Variants in PFKFB4 observed in about 807,000 individuals in gnomAD.
PFKFB4 encodes 6-phosphofructo-2-kinase/fructose-2,6-bisphosphatase 4.
A neutral mutation model predicts 62.8 loss-of-function variants in PFKFB4; 42 were observed. The ratio of observed to expected loss-of-function variants is 0.67; its 90% CI spans 0.52 to 0.86. PFKFB4 has a LOEUF of 0.86. Ranked by LOEUF, PFKFB4 falls within the 40% of genes least tolerant of loss-of-function variation. PFKFB4 has a pLI of 0.00. For synonymous variants in PFKFB4, 204 were observed against 240.7 expected, an observed-to-expected ratio of 0.85 and a Z score of 1.41; for missense variants, 475 against 627.2, an observed-to-expected ratio of 0.76 and a Z score of 2.59.
At chr3:48,523,405 A>G in intron 12 of PFKFB4, 132 bp downstream of exon 12, 1 of 856,510 alleles carries the variant, frequency 1.2e-6, no homozygotes. Context: ...GCAAATTGGG[A>G]AAGGTGGTGG....
At chr3:48,529,828 C>T (rs1262311025) in intron 9 of PFKFB4, among the ~76,000 whole-genome samples, 1 of 151,774 alleles carries the variant, frequency 6.6e-6, no homozygotes, top group African/African-American at 2.4e-5. Flanking sequence ...GTGTTGCACA[C>T]CTGTGGTCCC....
Position 48,518,029 on chromosome 3 carries a change from A to C in PFKFB4, c.*1718T>G, listed in dbSNP as rs569948728. 1 of 152,322 alleles carries C rather than the reference A, an allele frequency of 6.6e-6. No individual in the cohort carries two copies. Among genetic ancestry groups the C allele is most frequent in the Non-Finnish European group, 1.5e-5 (1 of 68,086 alleles). 9.4% of individuals were successfully genotyped at this position (152,322 alleles called of 1,614,324 possible). A position where few individuals can be genotyped will look rare whatever the true frequency, so the allele number is the denominator to read the frequency against. On this transcript the variant is annotated 3_prime_UTR_variant, in exon 14 of 14. Transcript: ENST00000232375. ...CACCTCAGATGACATCCAGAGGTAC[A>C]TGCACTGTTGCTGACCAAGGGAACC...
chr3:48,556,093 G>A lies in PFKFB4; in HGVS notation c.97+588C>T, dbSNP rs993213648. On this transcript the variant is annotated intron_variant, in intron 1 of 13. Coordinates refer to ENST00000232375, the MANE Select transcript of PFKFB4 (RefSeq NM_004567.4). This position sits in a 1 kb window ranked among gnomAD's most constrained non-coding sequence, Gnocchi z 5.7. Reference sequence around the variant, plus strand: ...CCCCAGGTGGATACTTACATGTCCCGGGACACAGACACAGGCCCACACGGC... The same window carrying A: ...CCCCAGGTGGATACTTACATGTCCCAGGACACAGACACAGGCCCACACGGC... 1.1e-5 allele frequency: 5 copies of A among 456,602 alleles called. No individual in the cohort carries two copies. The highest frequency in any genetic ancestry group is 2.3e-5 in the Admixed American group (1 of 42,562). The allele number at this position is 456,602 out of a possible 1,614,324, so 28.3% of individuals were successfully genotyped here.
In PFKFB4 at chr3:48,522,034, G is replaced by A. The variant is rs1467230494; in HGVS notation, c.1302C>T (p.Ser434=). The change falls in exon 13 of 14, where the codon TCC becomes TCT. Residue 434 remains serine (S), a synonymous_variant. Transcript: ENST00000232375. ...TCACAGCAGCCACGTTCAGGAATAT[G>A]GACTCCACTTTACAACCTGCCAAAG... The part of the protein sequence containing the change: ...TPVAYGCKVE[S]IFLNVAAVNT... 2 of 1,614,146 alleles carry A rather than the reference G, an allele frequency of 1.2e-6. No individual in the cohort carries two copies. The highest frequency in any genetic ancestry group is 2.2e-5 in the East Asian group (1 of 44,880).
chr3:48,536,497 G>C (rs909669685), intron 7 of PFKFB4, 34 bp from the exon 8 acceptor site: 1 of 1,552,050 alleles, frequency 6.4e-7, no homozygotes, highest in Non-Finnish European at 8.9e-7. Flanking sequence ...AGGCCTGTGA[G>C]CGTGGCCAGG....
In PFKFB4 at chr3:48,538,530, G is replaced by A. The variant is rs778672950; in HGVS notation, c.600C>T (p.Asn200=). Residue 200 remains asparagine (N), a synonymous_variant, in exon 7 of 14, where the codon AAC becomes AAT. Transcript: ENST00000232375. The part of the protein sequence containing the change: ...DFMRRIECYE[N]SYESLDEDLD... ...GGTCCTCATCTAGCGACTCGTAGGA[G>A]TTCTCATAGCACTCAATGCGCCTCA... The A allele has an allele frequency of 1.2e-6, 2 of 1,614,040 alleles. No individual in the cohort carries two copies. Among genetic ancestry groups the A allele is most frequent in the African/African-American group, 1.3e-5 (1 of 74,920 alleles).
intron 10 of PFKFB4, among the ~76,000 whole-genome samples, chr3:48,524,079 A>AG (rs563650447): frequency 3.9e-5 from 6 of 152,118 alleles, no homozygotes; most frequent in Non-Finnish European, 8.8e-5. Flanking sequence ...GCTCCATCCC[A>AG]GGGTCCACCT....
chr3:48,545,714 G>A (rs942970334), intron 3 of PFKFB4, among the ~76,000 whole-genome samples: 6 of 151,162 alleles, frequency 4.0e-5, no homozygotes, highest in Non-Finnish European at 5.9e-5. Flanking sequence ...TGATCCTCCC[G>A]CCACAGCCTC....
chr3:48,531,205 A>T (rs534123450), intron 9 of PFKFB4, among the ~76,000 whole-genome samples: 43 of 151,738 alleles, frequency 2.8e-4, no homozygotes, highest in African/African-American at 9.7e-4. Context: ...ATCTCTAAAA[A>T]TTTTTTAAAT....
At chr3:48,557,093 T>G, upstream of PFKFB4, 1 of 668,440 alleles carries the variant, frequency 1.5e-6, no homozygotes, top group Non-Finnish European at 2.1e-6. Context: ...GCCCGGATTG[T>G]GCAGGCCCGC....
At chr3:48,555,734 A>G (rs893261641) in intron 1 of PFKFB4, among the ~76,000 whole-genome samples, 5 of 151,836 alleles carry the variant, frequency 3.3e-5, no homozygotes, top group Admixed American at 6.6e-5. Flanking sequence ...TGTCTCTACA[A>G]AAAAAAAGAA....
rs1560184182 is a variant in PFKFB4 at position 48,556,636 on chromosome 3, C to T, written c.97+45G>A. 6.3e-7 allele frequency: 1 copy of T among 1,587,210 alleles called. No homozygotes were observed. Among genetic ancestry groups the T allele is most frequent in the South Asian group, 1.1e-5 (1 of 89,212 alleles). ...CCCCGCCCAGGCCGCCCTACCCACC[C>T]ATCCCGGTGCACCTCCCACCTCCTC... On this transcript the variant is annotated intron_variant, in intron 1 of 13. Coordinates refer to ENST00000232375, the MANE Select transcript of PFKFB4 (RefSeq NM_004567.4). This position sits in a 1 kb window ranked among gnomAD's most constrained non-coding sequence, Gnocchi z 5.7.
intron 7 of PFKFB4, chr3:48,536,766 G>T (rs991456057): frequency 2.6e-6 from 1 of 380,824 alleles, no homozygotes; most frequent in Non-Finnish European, 4.9e-6. Context: ...TTTCTCCGCT[G>T]CTCATGTGTC....
chr3:48,528,660 T>TCAAA (rs537395906), intron 9 of PFKFB4, among the ~76,000 whole-genome samples: 1 of 152,128 alleles, frequency 6.6e-6, no homozygotes. Flanking sequence ...AGACCCTGTC[T>TCAAA]CAAACAAACA....
Position 48,519,690 on chromosome 3 carries a change from A to G in PFKFB4, c.*57T>C. On this transcript the variant is annotated 3_prime_UTR_variant, in exon 14 of 14. Transcript: ENST00000232375. Reference sequence around the variant, plus strand: ...CTATCACACACACTGGAGGGCCTGGAATGACCCCCTCTGCAGAGAGCAGTG... The same window carrying G: ...CTATCACACACACTGGAGGGCCTGGGATGACCCCCTCTGCAGAGAGCAGTG... 7.7e-7 allele frequency: 1 copy of G among 1,291,088 alleles called. No homozygotes were observed. The highest frequency in any genetic ancestry group is 1.1e-6 in the Non-Finnish European group (1 of 888,048). The allele number at this position is 1,291,088 out of a possible 1,614,324, so 80.0% of individuals were successfully genotyped here. A position where few individuals can be genotyped will look rare whatever the true frequency, so the allele number is the denominator to read the frequency against.
intron 4 of PFKFB4, 34 bp downstream of exon 4, chr3:48,543,546 T>C (rs1172654725): frequency 6.4e-7 from 1 of 1,571,454 alleles, no homozygotes; most frequent in Non-Finnish European, 8.7e-7. Flanking sequence ...CTCCCATGTG[T>C]CACTCCCAGC....
chr3:48,537,423 G>T (rs2042656538), intron 7 of PFKFB4, among the ~76,000 whole-genome samples: 1 of 152,028 alleles, frequency 6.6e-6, no homozygotes, highest in Non-Finnish European at 1.5e-5. Flanking sequence ...CCCGGCCTGG[G>T]CTGGCTCTAG....
chr3:48,555,859 G>A (rs1464345979), intron 1 of PFKFB4, among the ~76,000 whole-genome samples: 1 of 151,714 alleles, frequency 6.6e-6, no homozygotes, highest in African/African-American at 2.4e-5. Flanking sequence ...AACTATGATC[G>A]CGCCACTGCA....
Position 48,556,784 on chromosome 3 carries a change from G to C in PFKFB4, c.-7C>G, listed in dbSNP as rs1263559753. ...ATTCCCGTGGGGACGCCATCCCGGG[G>C]CCGGGATGAGTCGGACTGCGCCGCT... On this transcript the variant is annotated 5_prime_UTR_variant, in exon 1 of 14. Coordinates refer to ENST00000232375, the MANE Select transcript of PFKFB4 (RefSeq NM_004567.4). The surrounding 1 kb of genome is among the most constrained non-coding windows in gnomAD (Gnocchi z 5.7). The C allele has an allele frequency of 6.3e-7, 1 of 1,599,132 alleles. No homozygotes were observed. The highest frequency in any genetic ancestry group is 1.4e-5 in the African/African-American group (1 of 73,790).
Sources: allele counts gnomAD v4.1 joint callset (sites outside exome capture counted in the v4.1 genomes callset), GRCh38; gene constraint gnomAD v4.1.1; non-coding constraint Gnocchi (gnomAD v3.1); transcripts MANE v1.5; gene names NCBI Gene and HGNC (gene_info 2026-07-23, HGNC 2026-07-21).